Variants in TLK2 observed in about 807,000 individuals in gnomAD.
TLK2 encodes serine/threonine-protein kinase tousled-like 2.
TLK2 carries 6 observed loss-of-function variants against 117.3 expected under a neutral mutation model. The ratio of observed to expected loss-of-function variants is 0.05; its 90% confidence interval spans 0.03 to 0.10. The LOEUF (loss-of-function observed/expected upper bound fraction) is 0.10, where lower values mean the gene tolerates loss of function less well. TLK2 is among the 10% of genes least tolerant of loss of function. The pLI is 1.00. For synonymous variants in TLK2, 257 were observed against 316.7 expected (o/e 0.81, Z 2.00); for missense variants, 299 against 901.2 (o/e 0.33, Z 8.56).
chr17:62,561,450 G>A (rs1027101854), intron 10 of TLK2, among the ~76,000 whole-genome samples: 3 of 152,218 alleles, frequency 2.0e-5, no homozygotes, highest in Non-Finnish European at 4.4e-5. Flanking sequence ...GACCTCAAGT[G>A]ATCCACCCGT....
intron 4 of TLK2, among the ~76,000 whole-genome samples, 165 bp from the exon 5 acceptor site, chr17:62,522,969 A>C (rs1283818950): frequency 6.6e-6 from 1 of 152,184 alleles, no homozygotes; most frequent in East Asian, 1.9e-4. Context: ...TTATGGAGGA[A>C]ATAGTCTGTT....
chr17:62,556,523 T>C (rs1346464947), intron 9 of TLK2, among the ~76,000 whole-genome samples: 3 of 152,224 alleles, frequency 2.0e-5, no homozygotes, highest in East Asian at 1.9e-4. Context: ...GTGTGCAGGA[T>C]TTTTGTGTCA....
At chr17:62,533,765 C>A (rs1405598665) in intron 6 of TLK2, among the ~76,000 whole-genome samples, 1 of 152,194 alleles carries the variant, frequency 6.6e-6, no homozygotes, top group Non-Finnish European at 1.5e-5. Context: ...GCATGAGCCA[C>A]TGTGCCCCGC....
chr17:62,480,130 T>A (rs1408409111), intron 1 of TLK2, among the ~76,000 whole-genome samples: 2 of 152,282 alleles, frequency 1.3e-5, no homozygotes, highest in Non-Finnish European at 2.9e-5. Flanking sequence ...GTAAGGGGGT[T>A]GTTACTGGAG....
chr17:62,529,443 AG>A (rs1192483868), intron 6 of TLK2, among the ~76,000 whole-genome samples: 4 of 152,140 alleles, frequency 2.6e-5, no homozygotes, highest in Admixed American at 2.0e-4. Flanking sequence ...CATGTTGGCC[AG>A]GCTGGTCTGG....
upstream of TLK2, among the ~76,000 whole-genome samples, chr17:62,477,103 T>A (rs534816652): frequency 2.2e-3 from 330 of 147,878 alleles, no homozygotes; most frequent in African/African-American, 6.1e-3. Flanking sequence ...AAAAAAAAAA[T>A]TTTTTTTAAA....
chr17:62,555,872 C>T (rs143940344), intron 9 of TLK2, among the ~76,000 whole-genome samples: 1 of 152,238 alleles, frequency 6.6e-6, no homozygotes, highest in Non-Finnish European at 1.5e-5. Flanking sequence ...TGTGCGCTCC[C>T]CAGTCCCCGC....
chr17:62,506,925 A>G (rs1168061231), intron 2 of TLK2, among the ~76,000 whole-genome samples: 1 of 152,160 alleles, frequency 6.6e-6, no homozygotes, highest in Non-Finnish European at 1.5e-5. Flanking sequence ...AGTAATTTTC[A>G]GTTATATAAA....
At chr17:62,592,894 CT>C (rs1462508810) in intron 16 of TLK2, among the ~76,000 whole-genome samples, 1 of 152,280 alleles carries the variant, frequency 6.6e-6, no homozygotes, top group Admixed American at 6.5e-5. Context: ...GCATTAGGTT[CT>C]CATAAGGAGC....
At chr17:62,516,610 T>C (rs376244915) in intron 2 of TLK2, 2 of 1,610,274 alleles carry the variant, frequency 1.2e-6, no homozygotes, top group African/African-American at 2.7e-5. Flanking sequence ...GCCTCGGCAC[T>C]TGAGAGACTG....
At chr17:62,556,848 T>A (rs2078901192) in intron 9 of TLK2, among the ~76,000 whole-genome samples, 3 of 152,236 alleles carry the variant, frequency 2.0e-5, no homozygotes, top group Admixed American at 2.0e-4. Flanking sequence ...TGATTGCCCC[T>A]TTCTTCTGAA....
Position 62,580,126 on chromosome 17 carries a change from A to G in TLK2, c.1302A>G (p.Pro434=). 1 of 1,613,026 alleles carries G rather than the reference A, an allele frequency of 6.2e-7. No individual in the cohort carries two copies. Among genetic ancestry groups the G allele is most frequent in the South Asian group, 1.1e-5 (1 of 90,842 alleles). The change falls in exon 15 of 22, where the codon CCA becomes CCG. Residue 434 remains proline, a synonymous_variant. Coordinates refer to ENST00000346027, the MANE Select transcript of TLK2 (RefSeq NM_006852.6). ...GTTTCCACAGATTTAAAGATCATCC[A>G]ACGCTAAATGACAGATATTTGTTGT... ...NEDNSQFKDH[P]TLNDRYLLLH...
At position 62,573,347 on chromosome 17, in the gene TLK2, C is replaced by T; in HGVS notation, c.1101C>T (p.Thr367=). 2.5e-6 allele frequency: 4 copies of T among 1,614,068 alleles called. No homozygotes were observed. The highest frequency in any genetic ancestry group is 3.4e-6 in the Non-Finnish European group (4 of 1,179,980). Reference sequence around the variant, plus strand: ...AGCAGAAACAGCGGAAAAGCAAGACCAATGGAGCTGAAAATGAAACGTATG... The same window carrying T: ...AGCAGAAACAGCGGAAAAGCAAGACTAATGGAGCTGAAAATGAAACGTATG... The part of the protein sequence containing the change: ...TNEQKQRKSK[T]NGAENETLTL... Residue 367 remains threonine (T), a synonymous_variant, in exon 12 of 22, where the codon ACC becomes ACT. Coordinates refer to ENST00000346027, the MANE Select transcript of TLK2 (RefSeq NM_006852.6).
chr17:62,558,870 C>T (rs1468841020), intron 9 of TLK2, among the ~76,000 whole-genome samples: 1 of 152,190 alleles, frequency 6.6e-6, no homozygotes, highest in East Asian at 1.9e-4. Flanking sequence ...AATGAAGCTA[C>T]AAGGTCTCAA....
intron 12 of TLK2, among the ~76,000 whole-genome samples, chr17:62,576,232 G>A (rs1356180927): frequency 6.6e-6 from 1 of 152,218 alleles, no homozygotes. Context: ...GCTTAGTAGT[G>A]CTTTGAACCC....
At chr17:62,508,122 TTGTGAAATTAACAAATTTAAACC>T (rs2074855476) in intron 2 of TLK2, among the ~76,000 whole-genome samples, 1 of 151,832 alleles carries the variant, frequency 6.6e-6, no homozygotes, top group Admixed American at 6.6e-5. Flanking sequence ...TTGTTTAAAT[TTGTGAAATTAACAAATTTAAACC>T]AGTAAATTAA....
intron 7 of TLK2, among the ~76,000 whole-genome samples, chr17:62,547,218 CTTATGA>C (rs1450543292): frequency 6.6e-6 from 1 of 151,672 alleles, no homozygotes; most frequent in Admixed American, 6.6e-5. Flanking sequence ...TCTTTTAACT[CTTATGA>C]TTAGGTATTG....
intron 2 of TLK2, among the ~76,000 whole-genome samples, chr17:62,487,390 G>A (rs2072534075): frequency 6.6e-6 from 1 of 151,300 alleles, no homozygotes; most frequent in South Asian, 2.1e-4. Flanking sequence ...AAGTCAGCAC[G>A]CGCCTGTAGT....
intron 2 of TLK2, among the ~76,000 whole-genome samples, chr17:62,511,065 C>T (rs1259509760): frequency 6.6e-6 from 1 of 152,148 alleles, no homozygotes; most frequent in Non-Finnish European, 1.5e-5. Flanking sequence ...ATGTATAATT[C>T]TAGTATGTTA....
Sources: allele counts gnomAD v4.1 joint callset (sites outside exome capture counted in the v4.1 genomes callset), GRCh38; gene constraint gnomAD v4.1.1; transcripts MANE v1.5; gene names NCBI Gene and HGNC (gene_info 2026-07-23, HGNC 2026-07-21).